Variants in ELF1 observed in about 807,000 individuals in gnomAD.
ELF1 encodes E74 like ETS transcription factor 1.
ELF1 carries 24 observed loss-of-function variants against 59.9 expected under a neutral mutation model. The ratio of observed to expected loss-of-function variants is 0.40; its 90% CI spans 0.29 to 0.56. The LOEUF (loss-of-function observed/expected upper bound fraction) is 0.56. ELF1 is among the 20% of genes least tolerant of loss of function. The pLI is 0.44. For missense variants in ELF1, 627 were observed against 742.2 expected (o/e 0.84, Z 1.80); for synonymous variants, 248 against 266.2 (o/e 0.93, Z 0.67).
chr13:40,936,254 A>G (rs1869764912), intron 8 of ELF1, among the ~76,000 whole-genome samples: 1 of 152,164 alleles, frequency 6.6e-6, no homozygotes, highest in Non-Finnish European at 1.5e-5. Flanking sequence ...GTCCTGAGCA[A>G]CTTCATCTTT....
rs765373573 is a variant in ELF1, at chr13:40,941,055, C to G, written c.1122G>C (p.Thr374=). The G allele has an allele frequency of 1.2e-6, 2 of 1,614,154 alleles. No homozygotes were observed. The highest frequency in any genetic ancestry group is 1.7e-6 in the Non-Finnish European group (2 of 1,180,030). ...AGAGCTGGGTAGGATATGGAGACTG[C>G]GTGGGCTGCACTGTCCTCAAAACTT... ...PSEVLRTVQP[T]QSPYPTQLFR... is the part of the protein sequence containing the mutation. Residue 374 remains threonine (T), a synonymous_variant, in exon 8 of 9, where the codon ACG becomes ACC. Coordinates refer to ENST00000239882, the MANE Select transcript of ELF1 (RefSeq NM_172373.4).
intron 1 of ELF1, among the ~76,000 whole-genome samples, chr13:41,008,139 G>C (rs9566657): frequency 0.12 from 18,325 of 152,198 alleles, 1,474 homozygotes; most frequent in East Asian, 0.33. Flanking sequence ...GATAAAATTG[G>C]AGGTACAAAT....
chr13:40,954,493 G>T (rs2138174196), intron 3 of ELF1, among the ~76,000 whole-genome samples: 1 of 150,874 alleles, frequency 6.6e-6, no homozygotes, highest in Admixed American at 6.6e-5. Flanking sequence ...TCCCCCTGAT[G>T]CCGAGCCAAA....
chr13:40,955,291 C>T (rs1252509981), intron 3 of ELF1, among the ~76,000 whole-genome samples: 9 of 146,102 alleles, frequency 6.2e-5, no homozygotes, highest in African/African-American at 1.5e-4. Context: ...GTCAGCCCCC[C>T]GCCCGGCCAG....
At chr13:41,041,003 T>C (rs555970137) in intron 1 of ELF1, among the ~76,000 whole-genome samples, 109 of 152,174 alleles carry the variant, frequency 7.2e-4, no homozygotes, top group African/African-American at 2.3e-3. Context: ...GATAGAGTGA[T>C]TGGGGATGGC....
At chr13:40,967,962 T>C (rs1872284609) in intron 2 of ELF1, among the ~76,000 whole-genome samples, 1 of 152,182 alleles carries the variant, frequency 6.6e-6, no homozygotes, top group Admixed American at 6.6e-5. Context: ...TTAAGCTTTG[T>C]TGGGATTTGA....
In ELF1 at chr13:40,943,883, G is replaced by C. The variant is rs765189689; in HGVS notation, c.572C>G (p.Thr191Arg). ...TTTCTTCTTCACAGATATATTTGGCGTAGTGGCTGGGGAATCTGGTCGTGG... is the reference window on the plus strand; with the variant it reads ...TTTCTTCTTCACAGATATATTTGGCCTAGTGGCTGGGGAATCTGGTCGTGG... The part of the protein sequence containing the change: ...KPPRPDSPAT[T>R]PNISVKKKNK... The change falls in exon 6 of 9, where the codon ACG (threonine) becomes AGG (arginine). Residue 191 changes from threonine (T) to arginine (R), a missense_variant. This residue lies in a region of ELF1 where 232 missense variants were observed against 269.2 expected (regional missense o/e 0.86). Transcript: ENST00000239882. The C allele has an allele frequency of 2.8e-5, 45 of 1,613,602 alleles. No homozygotes were observed. The highest frequency in any genetic ancestry group is 3.8e-5 in the Non-Finnish European group (45 of 1,179,766).
chr13:41,006,233 A>AT (rs1035769109), intron 1 of ELF1, among the ~76,000 whole-genome samples: 20 of 146,658 alleles, frequency 1.4e-4, no homozygotes, highest in Non-Finnish European at 2.8e-4. Context: ...TCTAAGAATT[A>AT]TTAGTGCCTT....
chr13:41,019,361 C>G, upstream of ELF1: 1 of 985,326 alleles, frequency 1.0e-6, no homozygotes, highest in Middle Eastern at 5.2e-4. Context: ...ATACATGAAA[C>G]CAAGTGTTTC....
upstream of ELF1, among the ~76,000 whole-genome samples, chr13:41,022,866 A>G (rs1051166793): frequency 6.6e-6 from 1 of 152,190 alleles, no homozygotes; most frequent in Non-Finnish European, 1.5e-5. Context: ...GTGACCAAGC[A>G]AGACTCTGTG....
chr13:41,051,901 A>G (rs1448525929), intron 1 of ELF1, among the ~76,000 whole-genome samples: 1 of 149,568 alleles, frequency 6.7e-6, no homozygotes, highest in African/African-American at 2.5e-5. Flanking sequence ...CAAGTCGTCT[A>G]TATTAGAATC....
At chr13:40,958,249 G>T (rs941662861) in intron 3 of ELF1, among the ~76,000 whole-genome samples, 16 of 152,168 alleles carry the variant, frequency 1.1e-4, no homozygotes, top group African/African-American at 3.6e-4. Flanking sequence ...AACCAGAAAA[G>T]AAATCTATAA....
upstream of ELF1, among the ~76,000 whole-genome samples, chr13:41,023,605 C>T (rs1424248150): frequency 2.0e-5 from 3 of 152,298 alleles, no homozygotes; most frequent in East Asian, 1.9e-4. Context: ...TGAGCTTAAA[C>T]GTAAAACACA....
chr13:40,996,389 C>A (rs1241496071), intron 1 of ELF1, among the ~76,000 whole-genome samples: 3 of 152,118 alleles, frequency 2.0e-5, no homozygotes, highest in Non-Finnish European at 4.4e-5. Context: ...TCATAATTGC[C>A]AAAACTTGTA....
intron 1 of ELF1, among the ~76,000 whole-genome samples, chr13:41,048,923 T>C (rs1734053906): frequency 6.6e-6 from 1 of 152,092 alleles, no homozygotes; most frequent in Admixed American, 6.6e-5. Context: ...CTAATCTAAC[T>C]TAATTCTGCC....
chr13:40,981,832 CATAGTATA>C, intron 2 of ELF1, 143 bp downstream of exon 2: 1 of 876,220 alleles, frequency 1.1e-6, no homozygotes, highest in Non-Finnish European at 1.6e-6. Context: ...GTGCTTAAAA[CATAGTATA>C]ATATTTCCTC....
Position 40,982,061 on chromosome 13 carries a change from G to A in ELF1, c.-7C>T. 6.2e-7 allele frequency: 1 copy of A among 1,610,774 alleles called. No individual in the cohort carries two copies. Among genetic ancestry groups the A allele is most frequent in the Non-Finnish European group, 8.5e-7 (1 of 1,178,506 alleles). ...GTTGGACAACAGCAGCCATAATAAAGCATTCCCCTTAGATCCACATGAGAA... is the reference window on the plus strand; with the variant it reads ...GTTGGACAACAGCAGCCATAATAAAACATTCCCCTTAGATCCACATGAGAA... On this transcript the variant is annotated 5_prime_UTR_variant, in exon 2 of 9. Coordinates refer to ENST00000239882, the MANE Select transcript of ELF1 (RefSeq NM_172373.4).
intron 1 of ELF1, among the ~76,000 whole-genome samples, chr13:41,025,486 A>G (rs890978046): frequency 1.3e-5 from 2 of 152,236 alleles, no homozygotes; most frequent in African/African-American, 4.8e-5. Context: ...GGCTTCAAGG[A>G]ACCTTGACAC....
In ELF1 at chr13:40,933,443, C is replaced by T. The variant is rs115657038; in HGVS notation, c.1842G>A (p.Leu614=). 1.4e-3 allele frequency: 2,226 copies of T among 1,612,984 alleles called. 38 individuals carry two copies. In the African/African-American group the frequency reaches 0.026, roughly 19 times the overall value. ...SQVAMKQNEL[L]EPNSF is the part of the protein sequence containing the mutation. The stretch of plus-strand genomic sequence containing the variant: ...ATATTAACTAAAAAGAGTTGGGTTC[C>T]AGCAGTTCGTTTTGTTTCATAGCTA... The change falls in exon 9 of 9, where the codon CTG becomes CTA. Residue 614 remains leucine, a synonymous_variant. Transcript: ENST00000239882.
Sources: gnomAD v4.1 joint callset for allele counts (sites outside exome capture counted in the v4.1 genomes callset) on GRCh38, gnomAD v4.1.1 for gene constraint, gnomAD v4.1.1 regional missense constraint, MANE v1.5 for transcripts, NCBI Gene and HGNC (gene_info 2026-07-23, HGNC 2026-07-21) for gene names.